ANO9: variants seen among roughly 807,000 people sequenced by gnomAD.
ANO9 encodes the protein anoctamin 9, also known as anoctamin-9.
Under a neutral mutation model 100.5 loss-of-function variants are expected in ANO9, and 80 were observed. The observed-to-expected ratio is 0.80, with a 90% CI of 0.66 to 0.96. ANO9 has a LOEUF of 0.96. ANO9 is among the 40% of genes least tolerant of loss of function. The pLI, the probability that ANO9 is intolerant of heterozygous loss-of-function variation, is 0.00. For synonymous variants in ANO9, 473 were observed against 435.6 expected (o/e 1.09, Z -1.07); for missense variants, 1,064 against 1,072.7 (o/e 0.99, Z 0.11).
intron 9 of ANO9, 105 bp downstream of exon 9, chr11:429,978 A>G (rs568774469): frequency 7.1e-7 from 1 of 1,408,684 alleles, no homozygotes; most frequent in African/African-American, 1.4e-5. Flanking sequence ...CTGTGGGGAA[A>G]GCTGAGCAGC....
chr11:419,356 A>G (rs747382979), intron 20 of ANO9: 59 of 1,412,714 alleles, frequency 4.2e-5, no homozygotes, highest in Non-Finnish European at 5.2e-5. Flanking sequence ...CAGGTCTGGG[A>G]ACTTCACCCC....
intron 10 of ANO9, 22 bp from the exon 11 acceptor site, chr11:429,674 G>T (rs189561272): frequency 6.2e-7 from 1 of 1,612,590 alleles, no homozygotes; most frequent in Non-Finnish European, 8.5e-7. Context: ...GCAAGGAGGG[G>T]CATCACTGCA....
intron 1 of ANO9, among the ~76,000 whole-genome samples, chr11:435,659 G>A (rs1436248283): frequency 7.9e-6 from 1 of 126,920 alleles, no homozygotes; most frequent in African/African-American, 2.8e-5. Context: ...GTCTAGTATG[G>A]TCTAGTCTAG....
chr11:439,097 C>G (rs896949331), intron 1 of ANO9, among the ~76,000 whole-genome samples: 1 of 152,216 alleles, frequency 6.6e-6, no homozygotes, highest in African/African-American at 2.4e-5. Flanking sequence ...ACCCCAGCCC[C>G]CAGGTCACCT....
intron 1 of ANO9, among the ~76,000 whole-genome samples, 195 bp downstream of exon 1, chr11:441,726 G>A (rs999288977): frequency 3.0e-4 from 45 of 152,118 alleles, no homozygotes; most frequent in Non-Finnish European, 5.4e-4. Context: ...AACCCCCAGC[G>A]TGCCCCAGGA....
At chr11:431,402 CGGGG>C (rs1848969253) in intron 7 of ANO9, among the ~76,000 whole-genome samples, 1 of 93,810 alleles carries the variant, frequency 1.1e-5, no homozygotes, top group Non-Finnish European at 2.0e-5. Flanking sequence ...GGGGCGTCTG[CGGGG>C]ATGTGGGGGC....
chr11:438,182 G>C (rs1845521102), intron 1 of ANO9, among the ~76,000 whole-genome samples: 1 of 152,052 alleles, frequency 6.6e-6, no homozygotes, highest in Admixed American at 6.5e-5. Context: ...GGGGTGCAAA[G>C]CCCCCATCAC....
At chr11:429,527 C>T in intron 11 of ANO9, 43 bp downstream of exon 11, 1 of 1,608,120 alleles carries the variant, frequency 6.2e-7, no homozygotes, top group Non-Finnish European at 8.5e-7. Context: ...GCCAACAGCC[C>T]CTGCTCGGGT....
At chr11:425,878 G>A (rs188770548) in intron 15 of ANO9, among the ~76,000 whole-genome samples, 5 of 150,794 alleles carry the variant, frequency 3.3e-5, no homozygotes, top group Admixed American at 6.6e-5. Context: ...ACAGGTGCCC[G>A]CCACCACGCC....
intron 1 of ANO9, among the ~76,000 whole-genome samples, chr11:434,659 G>A (rs10902165): frequency 0.26 from 39,024 of 152,114 alleles, 5,789 homozygotes; most frequent in East Asian, 0.63. Flanking sequence ...CTGGGCAGAT[G>A]GACACCATGC....
chr11:433,526 TCCCCCC>T, intron 3 of ANO9, 67 bp from the exon 4 acceptor site: 2 of 1,446,460 alleles, frequency 1.4e-6, no homozygotes, highest in Non-Finnish European at 1.9e-6. Flanking sequence ...CTCAGAACCC[TCCCCCC>T]TCTATTCCAC....
In ANO9 at chr11:432,058, A is replaced by C; in HGVS notation, c.351-4T>G. ...GTTCACGATTCGGATTCTGAGACTCAAGAGCCAGAGCAGGGTGGCCCCGTG... is the reference window on the plus strand; with the variant it reads ...GTTCACGATTCGGATTCTGAGACTCCAGAGCCAGAGCAGGGTGGCCCCGTG... On this transcript the variant is annotated splice_region_variant and splice_polypyrimidine_tract_variant and intron_variant, in intron 4 of 22. Coordinates refer to ENST00000332826, the MANE Select transcript of ANO9 (RefSeq NM_001012302.3). The surrounding 1 kb of genome is among the most constrained non-coding windows in gnomAD (Gnocchi z 4.8). 2 of 1,612,734 alleles carry C rather than the reference A, an allele frequency of 1.2e-6. No individual in the cohort carries two copies. The highest frequency in any genetic ancestry group is 1.7e-6 in the Non-Finnish European group (2 of 1,179,720).
chr11:420,183 C>A (rs1017498579), intron 19 of ANO9: 2 of 1,388,882 alleles, frequency 1.4e-6, no homozygotes, highest in Admixed American at 3.0e-5. Flanking sequence ...GTTCCAGCCC[C>A]AGCCACTGGC....
At chr11:435,962 A>G (rs950568008) in intron 1 of ANO9, among the ~76,000 whole-genome samples, 1 of 150,344 alleles carries the variant, frequency 6.7e-6, no homozygotes, top group South Asian at 2.1e-4. Context: ...TAGATGCCCC[A>G]GTGATTGCAT....
chr11:429,778 G>T lies in ANO9; in HGVS notation c.812C>A (p.Ala271Asp). The T allele has an allele frequency of 3.1e-6, 5 of 1,610,656 alleles. No individual in the cohort carries two copies. The highest frequency in any genetic ancestry group is 4.2e-6 in the Non-Finnish European group (5 of 1,178,410). ...CTCACCCCAGAGAGCCATGAAGATG[G>T]CGAACACCACCGTGCCATCATTGTC... Reference protein sequence around the residue: ...LFDNDGTVVFAIFMALWATVF... With the variant: ...LFDNDGTVVFDIFMALWATVF... The change falls in exon 10 of 23, where the codon GCC becomes GAC. Residue 271 changes from alanine (A) to aspartate (D), a missense_variant. Ala to Asp is a moderately radical substitution (Grantham distance 126). Coordinates refer to ENST00000332826, the MANE Select transcript of ANO9 (RefSeq NM_001012302.3).
chr11:425,377 G>C (rs535076470), intron 15 of ANO9, among the ~76,000 whole-genome samples: 2 of 151,900 alleles, frequency 1.3e-5, no homozygotes, highest in East Asian at 3.9e-4. Context: ...GGATACAATT[G>C]ATAAAGACAT....
rs867754731 is a variant in ANO9 at position 429,376 on chromosome 11, A to G, written c.915+194T>C. ...ACGGGTGGACAGACACGGGACACTC[A>G]CCCCACACGTGGGGAGACAGACACA... On this transcript the variant is annotated intron_variant, in intron 11 of 22. Coordinates refer to ENST00000332826, the MANE Select transcript of ANO9 (RefSeq NM_001012302.3). 6.1e-6 allele frequency: 8 copies of G among 1,321,352 alleles called. No homozygotes were observed. In the African/African-American group the frequency reaches 9.1e-5, roughly 15 times the overall value. The allele number at this position is 1,321,352 out of a possible 1,614,324, so 81.9% of individuals were successfully genotyped here.
chr11:420,551 G>C lies in ANO9; in HGVS notation c.1698C>G (p.Leu566=). ...GGCGGATCTCCACGAGGTTGCTGAA[G>C]AGCGCGAGCAGCGGCGCCAGCGGGA... ...AAFPLAPLLA[L]FSNLVEIRLD... The change falls in exon 19 of 23, where the codon CTC becomes CTG. Residue 566 remains leucine (L), a synonymous_variant. Coordinates refer to ENST00000332826, the MANE Select transcript of ANO9 (RefSeq NM_001012302.3). The C allele has an allele frequency of 6.2e-7, 1 of 1,606,104 alleles. No individual in the cohort carries two copies. The highest frequency in any genetic ancestry group is 8.5e-7 in the Non-Finnish European group (1 of 1,179,610).
At chr11:434,440 A>G (rs1849293929) in intron 1 of ANO9, among the ~76,000 whole-genome samples, 1 of 152,242 alleles carries the variant, frequency 6.6e-6, no homozygotes, top group African/African-American at 2.4e-5. Flanking sequence ...AAGGAAACGC[A>G]GGTCAGAGGA....
Sources: allele counts gnomAD v4.1 joint callset (sites outside exome capture counted in the v4.1 genomes callset), GRCh38; gene constraint gnomAD v4.1.1; non-coding constraint Gnocchi (gnomAD v3.1); transcripts MANE v1.5; gene names NCBI Gene and HGNC (gene_info 2026-07-23, HGNC 2026-07-21).